Variants in TMEM201 observed in about 807,000 individuals in gnomAD.
TMEM201 encodes the protein RP13-15M17.2.
Under a neutral mutation model 63.4 loss-of-function variants are expected in TMEM201, and 26 were observed. The ratio of observed to expected loss-of-function variants is 0.41; its 90% confidence interval spans 0.30 to 0.57. The LOEUF (loss-of-function observed/expected upper bound fraction) is 0.57. TMEM201 is among the 20% of genes least tolerant of loss of function. The probability of loss-of-function intolerance (pLI) is 0.29; values close to 1 mark genes in which losing one functional copy is unlikely to be tolerated. For missense variants in TMEM201, 794 were observed against 917.7 expected (o/e 0.87, Z 1.74); for synonymous variants, 417 against 421.6 (o/e 0.99, Z 0.14).
chr1:9,591,774 C>G lies in TMEM201; in HGVS notation c.113+2731C>G, dbSNP rs746863401. Among the ~76,000 whole-genome samples the G allele has an allele frequency of 3.9e-5, 6 of 152,206 alleles. No homozygotes were observed. In the South Asian group the frequency reaches 6.2e-4, roughly 16 times the overall value. Reference sequence around the variant, plus strand: ...GGCCCTTCCCGTTTCCAGGCTCCCCCCTCCCACTCACTCTCCTGCTGCTGC... The same window carrying G: ...GGCCCTTCCCGTTTCCAGGCTCCCCGCTCCCACTCACTCTCCTGCTGCTGC... On this transcript the variant is annotated intron_variant, in intron 1 of 10. Transcript: ENST00000340381.
At position 9,608,946 on chromosome 1, in the gene TMEM201, G is replaced by A. The variant is rs1401585656; in HGVS notation, c.1394-894G>A. On this transcript the variant is annotated intron_variant, in intron 7 of 10. Coordinates refer to ENST00000340381, the MANE Select transcript of TMEM201 (RefSeq NM_001130924.3). This position sits in a 1 kb window ranked among gnomAD's most constrained non-coding sequence, Gnocchi z 4.3. ...CCCGGTCTCCATCGCCAGAGGGTGG[G>A]TCGGGGGCAGGAGTTCCTGCAGGGC... 6.6e-6 allele frequency among the ~76,000 whole-genome samples: 1 copy of A among 152,208 alleles called. No individual in the cohort carries two copies. Among genetic ancestry groups the A allele is most frequent in the Non-Finnish European group, 1.5e-5 (1 of 68,028 alleles).
At position 9,603,471 on chromosome 1, in the gene TMEM201, C is replaced by G; in HGVS notation, c.1160+1199C>G. On this transcript the variant is annotated intron_variant, in intron 6 of 10. Transcript: ENST00000340381. The surrounding 1 kb of genome is among the most constrained non-coding windows in gnomAD (Gnocchi z 4.5). Reference sequence around the variant, plus strand: ...GAGGCCGTCCCTCACCGGGCATGTTCCCTCTGGCTGCCCACTCCCTCAGGG... The same window carrying G: ...GAGGCCGTCCCTCACCGGGCATGTTGCCTCTGGCTGCCCACTCCCTCAGGG... The G allele has an allele frequency of 1.0e-6, 1 of 985,484 alleles. No homozygotes were observed. Among genetic ancestry groups the G allele is most frequent in the South Asian group, 4.7e-5 (1 of 21,290 alleles). The allele number at this position is 985,484 out of a possible 1,614,324, so 61.0% of individuals were successfully genotyped here.
At chr1:9,597,164 G>A in intron 3 of TMEM201, 111 bp downstream of exon 3, 3 of 1,273,328 alleles carry the variant, frequency 2.4e-6, no homozygotes, top group Non-Finnish European at 3.2e-6. Context: ...CCCCTGCTCT[G>A]CTAGACAGCG....
In TMEM201 at chr1:9,588,965, C is replaced by G; in HGVS notation, c.35C>G (p.Pro12Arg). 1 of 1,260,110 alleles carries G rather than the reference C, an allele frequency of 7.9e-7. No homozygotes were observed. The highest frequency in any genetic ancestry group is 1.6e-5 in the South Asian group (1 of 60,932). 78.1% of individuals were successfully genotyped at this position (1,260,110 alleles called of 1,614,324 possible). A position where few individuals can be genotyped will look rare whatever the true frequency, so the allele number is the denominator to read the frequency against. The change falls in exon 1 of 11, where the codon CCC (proline) becomes CGC (arginine). Residue 12 changes from proline to arginine, a missense_variant. By Grantham distance (103) the Pro-to-Arg change is moderately radical (BLOSUM62 -2). Transcript: ENST00000340381. ...EGVSALLARC[P>R]TAGLAGGLGV... ...GTGAGCGCGCTGCTGGCCCGCTGCC[C>G]CACGGCCGGCCTGGCCGGCGGCCTG...
intron 3 of TMEM201, among the ~76,000 whole-genome samples, chr1:9,597,340 A>C (rs1644045036): frequency 6.6e-6 from 1 of 152,212 alleles, no homozygotes; most frequent in South Asian, 2.1e-4. Flanking sequence ...TGGAAACCCC[A>C]GCACCTGCCA....
rs1464994636 is a variant in TMEM201, at chr1:9,610,881, G to A, written c.1765+76G>A. 1 of 1,491,214 alleles carries A rather than the reference G, an allele frequency of 6.7e-7. No individual in the cohort carries two copies. The highest frequency in any genetic ancestry group is 1.4e-5 in the African/African-American group (1 of 72,022). The allele number at this position is 1,491,214 out of a possible 1,614,324, so 92.4% of individuals were successfully genotyped here. ...AGAGGCCTGGCTGTGCGGCGGTGGG[G>A]GGGCTCATCCTTGCTCTGACTCCGG... On this transcript the variant is annotated intron_variant, in intron 9 of 10. Coordinates refer to ENST00000340381, the MANE Select transcript of TMEM201 (RefSeq NM_001130924.3). The surrounding 1 kb of genome is among the most constrained non-coding windows in gnomAD (Gnocchi z 4.9).
At chr1:9,593,964 G>A (rs912203225) in intron 1 of TMEM201, among the ~76,000 whole-genome samples, 10 of 152,360 alleles carry the variant, frequency 6.6e-5, no homozygotes, top group African/African-American at 2.4e-4. Flanking sequence ...TGCTAGATGC[G>A]GGCACCGCAG....
rs1644312857 is a variant in TMEM201, at chr1:9,610,761, A to G, written c.1721A>G (p.His574Arg). 1 of 1,548,366 alleles carries G rather than the reference A, an allele frequency of 6.5e-7. No individual in the cohort carries two copies. Among genetic ancestry groups the G allele is most frequent in the Non-Finnish European group, 8.7e-7 (1 of 1,145,356 alleles). The change falls in exon 9 of 11, where the codon CAT (histidine) becomes CGT (arginine). Residue 574 changes from histidine (H) to arginine (R), a missense_variant. Coordinates refer to ENST00000340381, the MANE Select transcript of TMEM201 (RefSeq NM_001130924.3). This position sits in a 1 kb window ranked among gnomAD's most constrained non-coding sequence, Gnocchi z 4.9. ...NGSLFTMEPPHVPRKPPLQDV... is the reference protein window; with the variant it reads ...NGSLFTMEPPRVPRKPPLQDV... ...AGCCTCTTCACCATGGAGCCGCCCCATGTTCCCCGGAAGCCGCCCCTGCAG... is the reference window on the plus strand; with the variant it reads ...AGCCTCTTCACCATGGAGCCGCCCCGTGTTCCCCGGAAGCCGCCCCTGCAG...
At chr1:9,612,342 C>T (rs975308644) in intron 10 of TMEM201, among the ~76,000 whole-genome samples, 3 of 152,154 alleles carry the variant, frequency 2.0e-5, no homozygotes, top group African/African-American at 4.8e-5. Context: ...CACCGGGTGC[C>T]GAGCTGCCTG....
intron 1 of TMEM201, among the ~76,000 whole-genome samples, chr1:9,592,595 G>A (rs1643939632): frequency 6.6e-6 from 1 of 152,238 alleles, no homozygotes; most frequent in Non-Finnish European, 1.5e-5. Context: ...CCTCCCACCT[G>A]CAGGGAATAG....
intron 6 of TMEM201, chr1:9,602,521 A>G: frequency 1.4e-6 from 2 of 1,395,158 alleles, no homozygotes; most frequent in East Asian, 2.7e-5. Flanking sequence ...CACTGCTGCC[A>G]CCTCTCTGGC....
At position 9,613,150 on chromosome 1, in the gene TMEM201, G is replaced by A. The variant is rs2100533733; in HGVS notation, c.*67G>A. 4 of 1,489,046 alleles carry A rather than the reference G, an allele frequency of 2.7e-6. No homozygotes were observed. Among genetic ancestry groups the A allele is most frequent in the Non-Finnish European group, 3.6e-6 (4 of 1,099,598 alleles). The allele number at this position is 1,489,046 out of a possible 1,614,324, so 92.2% of individuals were successfully genotyped here. A position where few individuals can be genotyped will look rare whatever the true frequency, so the allele number is the denominator to read the frequency against. On this transcript the variant is annotated 3_prime_UTR_variant, in exon 11 of 11. Coordinates refer to ENST00000340381, the MANE Select transcript of TMEM201 (RefSeq NM_001130924.3). The stretch of plus-strand genomic sequence containing the variant: ...GCTGCTTCACCACTGCCGGCCTCAG[G>A]ACCCTCCCTGGAGGGGCTGCCACCT...
At chr1:9,594,913 G>A (rs1643987866) in intron 1 of TMEM201, among the ~76,000 whole-genome samples, 1 of 152,358 alleles carries the variant, frequency 6.6e-6, no homozygotes. Context: ...AGAGGGCCGT[G>A]CTCTCTGGTC....
chr1:9,604,294 T>G lies in TMEM201; in HGVS notation c.1160+2022T>G, dbSNP rs1340686445. The G allele has an allele frequency of 8.1e-6, 8 of 985,318 alleles. No homozygotes were observed. The highest frequency in any genetic ancestry group is 9.6e-6 in the Non-Finnish European group (8 of 829,938). 61.0% of individuals were successfully genotyped at this position (985,318 alleles called of 1,614,324 possible). A position where few individuals can be genotyped will look rare whatever the true frequency, so the allele number is the denominator to read the frequency against. On this transcript the variant is annotated intron_variant, in intron 6 of 10. Transcript: ENST00000340381. The surrounding 1 kb of genome is among the most constrained non-coding windows in gnomAD (Gnocchi z 4.1). ...GCCCTCGCGCTGGCCAGGATCCTCC[T>G]GCCGAGCTGATGTCGCTCCTGCCCT...
chr1:9,602,984 A>C (rs925150848), intron 6 of TMEM201: 1 of 985,428 alleles, frequency 1.0e-6, no homozygotes, highest in Admixed American at 6.1e-5. Flanking sequence ...GGCCTTCGCC[A>C]TGAGTTTGGG....
Position 9,613,184 on chromosome 1 carries a change from A to G in TMEM201, c.*101A>G. 1 of 1,138,200 alleles carries G rather than the reference A, an allele frequency of 8.8e-7. No homozygotes were observed. The highest frequency in any genetic ancestry group is 1.3e-6 in the Non-Finnish European group (1 of 787,338). 70.5% of individuals were successfully genotyped at this position (1,138,200 alleles called of 1,614,324 possible). The stretch of plus-strand genomic sequence containing the variant: ...TGGAGGGGCTGCCACCTCTGCCCTC[A>G]TCTCCAGGGCCTTGACCTCACTGGA... On this transcript the variant is annotated 3_prime_UTR_variant, in exon 11 of 11. Transcript: ENST00000340381.
chr1:9,607,016 G>A lies in TMEM201; in HGVS notation c.1161-541G>A, dbSNP rs529880219. Among the ~76,000 whole-genome samples, 1 of 152,312 alleles carries A rather than the reference G, an allele frequency of 6.6e-6. No homozygotes were observed. Among genetic ancestry groups the A allele is most frequent in the East Asian group, 1.9e-4 (1 of 5,170 alleles). ...GCCTTCTAAGGGCAGAGCTGTGGGA[G>A]GACTTCCAGGAATCACACCTGGGAA... is the stretch of plus-strand genomic sequence containing the variant. On this transcript the variant is annotated intron_variant, in intron 6 of 10. Transcript: ENST00000340381. The surrounding 1 kb of genome is among the most constrained non-coding windows in gnomAD (Gnocchi z 5.4).
At position 9,592,379 on chromosome 1, in the gene TMEM201, G is replaced by C. The variant is rs141535223; in HGVS notation, c.113+3336G>C. Reference sequence around the variant, plus strand: ...GCCAGCACACAGTGTCCCAGGTCCTGAGCAATGTGCTAAGGCCCCTGTCTG... The same window carrying C: ...GCCAGCACACAGTGTCCCAGGTCCTCAGCAATGTGCTAAGGCCCCTGTCTG... On this transcript the variant is annotated intron_variant, in intron 1 of 10. Coordinates refer to ENST00000340381, the MANE Select transcript of TMEM201 (RefSeq NM_001130924.3). 2.6e-5 allele frequency among the ~76,000 whole-genome samples: 4 copies of C among 152,334 alleles called. No homozygotes were observed. In the East Asian group the frequency reaches 7.7e-4, roughly 29 times the overall value.
intron 4 of TMEM201, 83 bp from the exon 5 acceptor site, chr1:9,601,022 A>G: frequency 7.9e-7 from 1 of 1,263,808 alleles, no homozygotes; most frequent in Admixed American, 2.2e-5. Context: ...GTCTGGCCAG[A>G]ACCCCGCACA....
Sources: allele counts gnomAD v4.1 joint callset (sites outside exome capture counted in the v4.1 genomes callset), GRCh38; gene constraint gnomAD v4.1.1; non-coding constraint Gnocchi (gnomAD v3.1); transcripts MANE v1.5; gene names NCBI Gene and HGNC (gene_info 2026-07-23, HGNC 2026-07-21).